Variants in CRTAM observed in about 807,000 individuals in gnomAD.
CRTAM encodes the protein cytotoxic and regulatory T cell molecule.
CRTAM carries 44 observed loss-of-function variants against 50.0 expected under a neutral mutation model. The ratio of observed to expected loss-of-function variants is 0.88; its 90% confidence interval spans 0.69 to 1.13. The LOEUF (loss-of-function observed/expected upper bound fraction) is 1.13, where lower values mean the gene tolerates loss of function less well. CRTAM is among the 50% of genes most tolerant of loss of function. The probability of loss-of-function intolerance (pLI) is 0.00; values close to 1 mark genes in which losing one functional copy is unlikely to be tolerated. For missense variants in CRTAM, 448 were observed against 457.5 expected (o/e 0.98, Z 0.19); for synonymous variants, 159 against 169.3 (o/e 0.94, Z 0.47).
chr11:122,864,734 C>G lies in CRTAM; in HGVS notation c.817+15C>G, dbSNP rs375446868. ...CTTGACCACCGGTAAGTGTCACCCA[C>G]TGCATTTAGAATAAACACTCGACAT... is the stretch of plus-strand genomic sequence containing the variant. On this transcript the variant is annotated intron_variant, in intron 7 of 9. Coordinates refer to ENST00000227348, the MANE Select transcript of CRTAM (RefSeq NM_019604.4). The G allele has an allele frequency of 1.7e-5, 27 of 1,582,218 alleles. No homozygotes were observed. The highest frequency in any genetic ancestry group is 1.8e-5 in the Non-Finnish European group (21 of 1,151,376).
At position 122,841,181 on chromosome 11, in the gene CRTAM, A is replaced by G. The variant is rs115009433; in HGVS notation, c.46+2589A>G. 3.3e-3 allele frequency among the ~76,000 whole-genome samples: 502 copies of G among 152,264 alleles called. 3 individuals carry two copies. The highest frequency in any genetic ancestry group is 0.011 in the African/African-American group (476 of 41,548). On this transcript the variant is annotated intron_variant, in intron 1 of 9. Coordinates refer to ENST00000227348, the MANE Select transcript of CRTAM (RefSeq NM_019604.4). ...ACCTGCAATTTTCTCTATTGATTCAATCTAAAAATAATAAAAATCTTTTTT... is the reference window on the plus strand; with the variant it reads ...ACCTGCAATTTTCTCTATTGATTCAGTCTAAAAATAATAAAAATCTTTTTT...
chr11:122,862,403 A>G, intron 5 of CRTAM, 61 bp from the exon 6 acceptor site: 1 of 1,022,574 alleles, frequency 9.8e-7, no homozygotes, highest in Non-Finnish European at 1.6e-6. Flanking sequence ...TCTTTTACTG[A>G]GCACAATGTG....
In CRTAM at chr11:122,861,048, A is replaced by G. The variant is rs899422609; in HGVS notation, c.653-1416A>G. Among the ~76,000 whole-genome samples, 3 of 152,036 alleles carry G rather than the reference A, an allele frequency of 2.0e-5. 1 individual carries two copies. Among genetic ancestry groups the G allele is most frequent in the Admixed American group, 2.0e-4 (3 of 15,230 alleles). On this transcript the variant is annotated intron_variant, in intron 5 of 9. Coordinates refer to ENST00000227348, the MANE Select transcript of CRTAM (RefSeq NM_019604.4). ...AGTACTTCTATTTGACTAGCATTCC[A>G]GCTTTTCCCTCTTTTCATTGCCAGC...
chr11:122,872,412 T>C lies in CRTAM; in HGVS notation c.*1013T>C, dbSNP rs1862267257. 6.6e-6 allele frequency: 1 copy of C among 152,558 alleles called. No individual in the cohort carries two copies. Among genetic ancestry groups the C allele is most frequent in the Non-Finnish European group, 1.5e-5 (1 of 68,048 alleles). 9.5% of individuals were successfully genotyped at this position (152,558 alleles called of 1,614,324 possible). On this transcript the variant is annotated 3_prime_UTR_variant, in exon 10 of 10. Coordinates refer to ENST00000227348, the MANE Select transcript of CRTAM (RefSeq NM_019604.4). ...AAAGAAAATGATGGGTTGAATTTAC[T>C]GATTATTGACCTAATGGATGGCTTT... is the stretch of plus-strand genomic sequence containing the variant.
chr11:122,838,531 A>AGCAGC lies in CRTAM; in HGVS notation c.-15_-11dup. The AGCAGC allele has an allele frequency of 6.2e-7, 1 of 1,613,862 alleles. No homozygotes were observed. Among genetic ancestry groups the AGCAGC allele is most frequent in the Non-Finnish European group, 8.5e-7 (1 of 1,179,830 alleles). On this transcript the variant is annotated 5_prime_UTR_variant, in exon 1 of 10. Transcript: ENST00000227348. ...TAGAGGAAGTTGACAAAGGTGCCAC[A>AGCAGC]GCAGCACAGCACAGTATGTGGTGGA...
intron 1 of CRTAM, among the ~76,000 whole-genome samples, chr11:122,847,292 G>C (rs922405573): frequency 6.6e-6 from 1 of 152,102 alleles, no homozygotes. Flanking sequence ...ACCCAGGTTA[G>C]GGACACAGAG....
chr11:122,872,265 C>T lies in CRTAM; in HGVS notation c.*866C>T, dbSNP rs1187907681. The T allele has an allele frequency of 6.6e-6, 1 of 152,246 alleles. No homozygotes were observed. Among genetic ancestry groups the T allele is most frequent in the African/African-American group, 2.4e-5 (1 of 41,436 alleles). 9.4% of individuals were successfully genotyped at this position (152,246 alleles called of 1,614,324 possible). A position where few individuals can be genotyped will look rare whatever the true frequency, so the allele number is the denominator to read the frequency against. On this transcript the variant is annotated 3_prime_UTR_variant, in exon 10 of 10. Transcript: ENST00000227348. Reference sequence around the variant, plus strand: ...AGGCCCCAGAACCCATGCCCCAAGGCACAAAGAGGAGCTCAGGGTAGGCCC... The same window carrying T: ...AGGCCCCAGAACCCATGCCCCAAGGTACAAAGAGGAGCTCAGGGTAGGCCC...
At chr11:122,867,624 C>CT (rs1862196860) in intron 8 of CRTAM, 69 bp downstream of exon 8, 1 of 1,491,920 alleles carries the variant, frequency 6.7e-7, no homozygotes. Flanking sequence ...AAGGGAAATT[C>CT]TGTCCATTAA....
At chr11:122,864,000 C>T (rs1000276762) in intron 6 of CRTAM, among the ~76,000 whole-genome samples, 1 of 151,930 alleles carries the variant, frequency 6.6e-6, no homozygotes, top group Non-Finnish European at 1.5e-5. Context: ...GAAAAAAAAA[C>T]CACACAGTTT....
intron 5 of CRTAM, among the ~76,000 whole-genome samples, chr11:122,860,634 T>C (rs745741710): frequency 2.6e-5 from 4 of 152,238 alleles, no homozygotes; most frequent in Non-Finnish European, 5.9e-5. Flanking sequence ...ATTCACATAG[T>C]ATATACTATG....
At chr11:122,862,729 T>A (rs1237696445) in intron 6 of CRTAM, among the ~76,000 whole-genome samples, 185 bp downstream of exon 6, 1 of 152,208 alleles carries the variant, frequency 6.6e-6, no homozygotes, top group African/African-American at 2.4e-5. Flanking sequence ...TCGGAATACT[T>A]AGTGGGATGG....
At chr11:122,868,242 G>GTGTGTGTGTGTGTGTGT (rs1862207746) in intron 9 of CRTAM, 143 bp downstream of exon 9, 1 of 551,794 alleles carries the variant, frequency 1.8e-6, no homozygotes, top group Non-Finnish European at 3.2e-6. Context: ...GTGTGTATGA[G>GTGTGTGTGTGTGTGTGT]GTGGGATTTA....
chr11:122,867,548 G>T lies in CRTAM; in HGVS notation c.957G>T (p.Trp319Cys). ...IMKLRKAHVI[W>C]KKENEVSEHT... Reference sequence around the variant, plus strand: ...AGCTGAGGAAAGCACATGTGATATGGAAGAAAGGTCAGTGGGCAGGGAACC... The same window carrying T: ...AGCTGAGGAAAGCACATGTGATATGTAAGAAAGGTCAGTGGGCAGGGAACC... The change falls in exon 8 of 10, where the codon TGG (tryptophan) becomes TGT (cysteine). Residue 319 changes from tryptophan (W) to cysteine (C), a missense_variant. Transcript: ENST00000227348. 6.2e-7 allele frequency: 1 copy of T among 1,613,398 alleles called. No homozygotes were observed. The highest frequency in any genetic ancestry group is 8.5e-7 in the Non-Finnish European group (1 of 1,179,666).
At chr11:122,848,821 A>T (rs73602750) in intron 1 of CRTAM, among the ~76,000 whole-genome samples, 18,803 of 152,228 alleles carry the variant, frequency 0.12, 1,330 homozygotes, top group African/African-American at 0.18. Flanking sequence ...AAAGTGGTTT[A>T]TACCTTCATT....
chr11:122,866,682 G>C (rs574739879), intron 7 of CRTAM, among the ~76,000 whole-genome samples: 1 of 151,082 alleles, frequency 6.6e-6, no homozygotes, highest in East Asian at 2.0e-4. Flanking sequence ...ATAGCTCACT[G>C]TAACCTTAAA....
intron 7 of CRTAM, 40 bp downstream of exon 7, chr11:122,864,759 T>C: frequency 7.1e-7 from 1 of 1,398,902 alleles, no homozygotes; most frequent in Non-Finnish European, 1.0e-6. Flanking sequence ...ACACTCGACA[T>C]TTTAACCTCT....
chr11:122,865,316 T>C (rs1296029142), intron 7 of CRTAM, among the ~76,000 whole-genome samples: 1 of 152,214 alleles, frequency 6.6e-6, no homozygotes, highest in African/African-American at 2.4e-5. Context: ...ATTACAGGCG[T>C]GAGCCACCGC....
At chr11:122,870,237 C>T (rs1405015051) in intron 9 of CRTAM, among the ~76,000 whole-genome samples, 9 of 152,194 alleles carry the variant, frequency 5.9e-5, no homozygotes, top group African/African-American at 1.4e-4. Flanking sequence ...CGCACCACCA[C>T]GCCCAGTTAA....
chr11:122,859,510 T>C (rs555910655), intron 5 of CRTAM, among the ~76,000 whole-genome samples: 1 of 152,326 alleles, frequency 6.6e-6, no homozygotes, highest in Non-Finnish European at 1.5e-5. Context: ...ATCTCATAAA[T>C]GTCTAGCTTA....
Sources: allele counts gnomAD v4.1 joint callset (sites outside exome capture counted in the v4.1 genomes callset), GRCh38; gene constraint gnomAD v4.1.1; transcripts MANE v1.5; gene names NCBI Gene and HGNC (gene_info 2026-07-23, HGNC 2026-07-21).